CSMD1: variants seen among roughly 807,000 people sequenced by gnomAD.
The protein encoded by CSMD1 is CUB and Sushi multiple domains 1, also known as CUB and sushi domain-containing protein 1.
CSMD1 carries 213 observed loss-of-function variants against 417.5 expected under a neutral mutation model. That is an observed-to-expected ratio of 0.51 (90% confidence interval 0.46 to 0.57). The LOEUF is 0.57. Ranked by LOEUF, CSMD1 falls within the 20% of genes least tolerant of loss-of-function variation. The pLI, the probability that CSMD1 is intolerant of heterozygous loss-of-function variation, is 0.00. For synonymous variants in CSMD1, 2,862 were observed against 1,736.8 expected, an observed-to-expected ratio of 1.65 and a Z score of -16.11; for missense variants, 6,923 against 4,529.7, an observed-to-expected ratio of 1.53 and a Z score of -15.17.
At chr8:4,127,809 C>T (rs973109528) in intron 3 of CSMD1, among the ~76,000 whole-genome samples, 29 of 152,252 alleles carry the variant, frequency 1.9e-4, no homozygotes, top group African/African-American at 6.0e-4. Flanking sequence ...GGTATTTGTA[C>T]TATCATTATT....
intron 1 of CSMD1, among the ~76,000 whole-genome samples, chr8:4,927,820 C>G (rs1046324507): frequency 9.2e-5 from 14 of 152,302 alleles, no homozygotes; most frequent in Non-Finnish European, 1.8e-4. Flanking sequence ...CTCACACTCA[C>G]CAGCAAATCC....
At chr8:3,463,845 A>G (rs1309099446) in intron 12 of CSMD1, among the ~76,000 whole-genome samples, 1 of 152,190 alleles carries the variant, frequency 6.6e-6, no homozygotes. Context: ...ACCATCTCCT[A>G]CATTCCTGTA....
At position 4,938,523 on chromosome 8, in the gene CSMD1, C is replaced by G. The variant is rs73659069; in HGVS notation, c.85+55809G>C. ...ATGGTATAGACACCTGGTGACTACC[C>G]AGACACTGTGCTGAGTATGACAGGG... is the stretch of plus-strand genomic sequence containing the variant. On this transcript the variant is annotated intron_variant, in intron 1 of 69. Transcript: ENST00000635120. Among the ~76,000 whole-genome samples, 181 of 152,300 alleles carry G rather than the reference C, an allele frequency of 1.2e-3. 1 individual carries two copies. Among genetic ancestry groups the G allele is most frequent in the African/African-American group, 4.1e-3 (172 of 41,564 alleles).
At chr8:3,498,316 T>C (rs1032295771) in intron 10 of CSMD1, among the ~76,000 whole-genome samples, 6 of 152,252 alleles carry the variant, frequency 3.9e-5, no homozygotes, top group South Asian at 2.1e-4. Context: ...GGTACTTTGA[T>C]ACATGTATAC....
chr8:4,256,803 C>G (rs144965079), intron 3 of CSMD1, among the ~76,000 whole-genome samples: 2 of 152,302 alleles, frequency 1.3e-5, no homozygotes, highest in East Asian at 1.9e-4. Context: ...CAGTCAGGGC[C>G]TGGCATAAAG....
At chr8:3,907,612 G>A (rs1808197674) in intron 5 of CSMD1, among the ~76,000 whole-genome samples, 1 of 152,190 alleles carries the variant, frequency 6.6e-6, no homozygotes, top group Admixed American at 6.5e-5. Context: ...TGAAAAACAA[G>A]CCTAAGTTCA....
intron 1 of CSMD1, among the ~76,000 whole-genome samples, chr8:4,643,711 C>A (rs1359734237): frequency 6.6e-6 from 1 of 152,138 alleles, no homozygotes. Flanking sequence ...AAACGGTAAA[C>A]AAATCAAATA....
chr8:3,394,011 ATT>A (rs1491235493), intron 17 of CSMD1, among the ~76,000 whole-genome samples: 31,978 of 77,044 alleles, frequency 0.42, 7,199 homozygotes, highest in South Asian at 0.52. Context: ...AAAAAAATAA[ATT>A]ATATATATAT....
intron 2 of CSMD1, among the ~76,000 whole-genome samples, chr8:4,504,688 T>G (rs1159979905): frequency 6.6e-6 from 1 of 152,136 alleles, no homozygotes; most frequent in East Asian, 1.9e-4. Flanking sequence ...TGTATCCATG[T>G]GTTCTCATTG....
chr8:3,765,342 T>A (rs1447620083), intron 5 of CSMD1, among the ~76,000 whole-genome samples: 1 of 152,144 alleles, frequency 6.6e-6, no homozygotes, highest in Non-Finnish European at 1.5e-5. Context: ...TCAGAAGACA[T>A]CCCTTCCAGA....
intron 48 of CSMD1, among the ~76,000 whole-genome samples, chr8:3,090,544 G>C (rs893569291): frequency 3.9e-5 from 6 of 152,088 alleles, no homozygotes; most frequent in African/African-American, 1.4e-4. Context: ...CTACCAACCA[G>C]AGTGAGCTAA....
chr8:3,818,581 C>T lies in CSMD1; in HGVS notation c.819-64539G>A, dbSNP rs538840738. ...CCAGCATGAAGACGTGAAGGAGGTG[C>T]AAGAATGAGAAGTGCTAGAAAAGGG... On this transcript the variant is annotated intron_variant, in intron 5 of 69. Coordinates refer to ENST00000635120, the MANE Select transcript of CSMD1 (RefSeq NM_033225.6). Among the ~76,000 whole-genome samples the T allele has an allele frequency of 7.2e-5, 11 of 151,960 alleles. 1 individual carries two copies. The highest frequency in any genetic ancestry group is 4.4e-5 in the Non-Finnish European group (3 of 68,012).
At chr8:4,281,633 G>A (rs899009462) in intron 3 of CSMD1, among the ~76,000 whole-genome samples, 3 of 152,108 alleles carry the variant, frequency 2.0e-5, no homozygotes, top group East Asian at 1.9e-4. Flanking sequence ...TAACTTTTAT[G>A]TTGGGCTTTC....
At chr8:3,664,356 G>C (rs1349594538) in intron 7 of CSMD1, among the ~76,000 whole-genome samples, 1 of 152,096 alleles carries the variant, frequency 6.6e-6, no homozygotes, top group African/African-American at 2.4e-5. Flanking sequence ...TAAAATATTG[G>C]ACTTCATACA....
At position 2,966,560 on chromosome 8, in the gene CSMD1, G is replaced by C; in HGVS notation, c.9100+10C>G. On this transcript the variant is annotated intron_variant, in intron 58 of 69. Transcript: ENST00000635120. ...AACGTCTGAGTCTACCATGATGTCTGCTTACTAACTTGTGCAGTCGGGAGC... is the reference window on the plus strand; with the variant it reads ...AACGTCTGAGTCTACCATGATGTCTCCTTACTAACTTGTGCAGTCGGGAGC... 1 of 1,610,760 alleles carries C rather than the reference G, an allele frequency of 6.2e-7. No homozygotes were observed. The highest frequency in any genetic ancestry group is 8.5e-7 in the Non-Finnish European group (1 of 1,177,584).
intron 7 of CSMD1, among the ~76,000 whole-genome samples, chr8:3,643,654 T>A (rs1585008717): frequency 7.6e-6 from 1 of 131,888 alleles, no homozygotes; most frequent in Non-Finnish European, 1.5e-5. Context: ...TGAGCCGAGA[T>A]CGCGCCACTG....
rs71199521 is a variant in CSMD1, at chr8:2,974,063, G to GTGGTAGAGGATGATGGTAGAGGATGA, written c.8740+362_8740+387dup. Among the ~76,000 whole-genome samples, 755 of 83,258 alleles carry GTGGTAGAGGATGATGGTAGAGGATGA rather than the reference G, an allele frequency of 9.1e-3. 12 individuals carry two copies. The highest frequency in any genetic ancestry group is 0.025 in the African/African-American group (435 of 17,098). The allele number at this position is 83,258 out of a possible 152,430, so 54.6% of individuals were successfully genotyped here. ...TGGTAGAGGATGGTGGTAGAGGATGGTGGTAGAGGATGATGGTAGAGGATG... is the reference window on the plus strand; with the variant it reads ...TGGTAGAGGATGGTGGTAGAGGATGGTGGTAGAGGATGATGGTAGAGGATGATGGTAGAGGATGATGGTAGAGGATG... On this transcript the variant is annotated intron_variant, in intron 56 of 69. Coordinates refer to ENST00000635120, the MANE Select transcript of CSMD1 (RefSeq NM_033225.6).
chr8:4,651,600 G>T (rs1432182532), intron 1 of CSMD1, among the ~76,000 whole-genome samples: 1 of 152,132 alleles, frequency 6.6e-6, no homozygotes, highest in African/African-American at 2.4e-5. Context: ...GCTGTAAAAT[G>T]AGGCCCACAT....
At chr8:3,226,809 G>C (rs983230798) in intron 27 of CSMD1, among the ~76,000 whole-genome samples, 1 of 151,818 alleles carries the variant, frequency 6.6e-6, no homozygotes, top group African/African-American at 2.4e-5. Context: ...GAGGTTAAGA[G>C]ATTTTATAAA....
Sources: allele counts gnomAD v4.1 joint callset (sites outside exome capture counted in the v4.1 genomes callset), GRCh38; gene constraint gnomAD v4.1.1; transcripts MANE v1.5; gene names NCBI Gene and HGNC (gene_info 2026-07-23, HGNC 2026-07-21).